Variants in B3GALT1 observed in about 807,000 individuals in gnomAD.
B3GALT1 encodes beta-1,3-galactosyltransferase 1, also known as UDP-Gal:betaGlcNAc beta 1,3-galactosyltransferase, polypeptide 1.
A neutral mutation model predicts 23.2 loss-of-function variants in B3GALT1; 10 were observed. The ratio of observed to expected loss-of-function variants is 0.43; its 90% CI spans 0.27 to 0.73. The LOEUF (loss-of-function observed/expected upper bound fraction) is 0.73, where lower values mean the gene tolerates loss of function less well. Ranked by LOEUF, B3GALT1 falls within the 30% of genes least tolerant of loss-of-function variation. The probability of loss-of-function intolerance (pLI) is 0.21; values close to 1 mark genes in which losing one functional copy is unlikely to be tolerated. For missense variants in B3GALT1, 299 were observed against 405.4 expected, an observed-to-expected ratio of 0.74 and a Z score of 2.25; for synonymous variants, 156 against 141.5, an observed-to-expected ratio of 1.10 and a Z score of -0.73.
At chr2:167,799,777 CT>C (rs1000698604) in intron 3 of B3GALT1, among the ~76,000 whole-genome samples, 21 of 152,264 alleles carry the variant, frequency 1.4e-4, no homozygotes, top group Admixed American at 1.4e-3. Flanking sequence ...TCCTGTCAAG[CT>C]GTGAAGAGGT....
chr2:167,533,074 T>G (rs1351264421), intron 2 of B3GALT1, among the ~76,000 whole-genome samples: 2 of 151,242 alleles, frequency 1.3e-5, no homozygotes, highest in African/African-American at 2.4e-5. Context: ...TTGGTCAGGC[T>G]GGTCTCGAAC....
At chr2:167,703,036 T>C (rs1686904833) in intron 3 of B3GALT1, among the ~76,000 whole-genome samples, 2 of 152,214 alleles carry the variant, frequency 1.3e-5, no homozygotes, top group African/African-American at 4.8e-5. Context: ...GAGTGAATGC[T>C]CACCTGGTGG....
chr2:167,443,802 G>A (rs1242159046), intron 1 of B3GALT1, among the ~76,000 whole-genome samples: 1 of 152,188 alleles, frequency 6.6e-6, no homozygotes, highest in Non-Finnish European at 1.5e-5. Flanking sequence ...ATACAATCAT[G>A]TCATCTGTAA....
chr2:167,366,303 A>T (rs1220018128), intron 1 of B3GALT1, among the ~76,000 whole-genome samples: 6 of 152,216 alleles, frequency 3.9e-5, no homozygotes, highest in Admixed American at 3.9e-4. Flanking sequence ...ATAGGTAGTA[A>T]TAGATAAGAA....
At chr2:167,789,910 C>T (rs145878934) in intron 3 of B3GALT1, among the ~76,000 whole-genome samples, 38 of 152,212 alleles carry the variant, frequency 2.5e-4, no homozygotes, top group East Asian at 5.8e-4. Context: ...GGTGACCGTG[C>T]GGTAGGCCCA....
intron 4 of B3GALT1, among the ~76,000 whole-genome samples, chr2:167,862,016 T>C (rs758543303): frequency 6.6e-6 from 1 of 152,104 alleles, no homozygotes; most frequent in Non-Finnish European, 1.5e-5. Context: ...ACCTTGCCCA[T>C]GGTGAAGGGA....
chr2:167,805,911 C>G (rs1392861920), intron 3 of B3GALT1, among the ~76,000 whole-genome samples: 4 of 152,088 alleles, frequency 2.6e-5, no homozygotes, highest in Non-Finnish European at 5.9e-5. Flanking sequence ...CTATAAATTA[C>G]CTTGGGCAGT....
intron 2 of B3GALT1, among the ~76,000 whole-genome samples, chr2:167,510,749 T>C (rs1699992606): frequency 6.6e-6 from 1 of 152,118 alleles, no homozygotes; most frequent in Non-Finnish European, 1.5e-5. Context: ...AGTAGAAGTA[T>C]AGGAGCTCAA....
chr2:167,396,082 A>C (rs950422776), intron 1 of B3GALT1, among the ~76,000 whole-genome samples: 3 of 152,156 alleles, frequency 2.0e-5, no homozygotes, highest in Non-Finnish European at 4.4e-5. Flanking sequence ...TTCAATTCTT[A>C]GTTTCCCTGC....
At chr2:167,621,185 C>G (rs1215162226) in intron 2 of B3GALT1, among the ~76,000 whole-genome samples, 1 of 146,526 alleles carries the variant, frequency 6.8e-6, no homozygotes. Context: ...ACCTCTGGGG[C>G]TCAAGCAATC....
intron 1 of B3GALT1, among the ~76,000 whole-genome samples, chr2:167,362,641 T>TTAA (rs1697515969): frequency 6.6e-6 from 1 of 152,086 alleles, no homozygotes; most frequent in Non-Finnish European, 1.5e-5. Flanking sequence ...TGGGCCTTAT[T>TTAA]TAACTGTCTT....
At chr2:167,783,917 G>T (rs1033838629) in intron 3 of B3GALT1, among the ~76,000 whole-genome samples, 4 of 152,190 alleles carry the variant, frequency 2.6e-5, no homozygotes, top group African/African-American at 7.2e-5. Context: ...GCTGATGACT[G>T]TGTAAAACAG....
intron 3 of B3GALT1, among the ~76,000 whole-genome samples, chr2:167,751,018 C>T (rs913203653): frequency 2.6e-5 from 4 of 152,180 alleles, no homozygotes; most frequent in African/African-American, 9.6e-5. Flanking sequence ...GTCACAGCTA[C>T]TCAACTCTGC....
At chr2:167,617,446 C>T (rs1685180119) in intron 2 of B3GALT1, among the ~76,000 whole-genome samples, 1 of 151,900 alleles carries the variant, frequency 6.6e-6, no homozygotes, top group Admixed American at 6.6e-5. Flanking sequence ...GAGAATTCAC[C>T]CTCATTGTGA....
chr2:167,872,862 A>T lies in B3GALT1; in HGVS notation c.*2842A>T, dbSNP rs1292442500. 1 of 152,144 alleles carries T rather than the reference A, an allele frequency of 6.6e-6. No homozygotes were observed. The highest frequency in any genetic ancestry group is 1.5e-5 in the Non-Finnish European group (1 of 68,024). 9.4% of individuals were successfully genotyped at this position (152,144 alleles called of 1,614,324 possible). ...GGCATTTTTTCTTCTCCCCAACTGT[A>T]TGTATAGCTAGAATCTGCTTGCTGT... On this transcript the variant is annotated 3_prime_UTR_variant, in exon 5 of 5. Transcript: ENST00000392690.
At chr2:167,438,269 A>T (rs1249487958) in intron 1 of B3GALT1, among the ~76,000 whole-genome samples, 1 of 152,206 alleles carries the variant, frequency 6.6e-6, no homozygotes, top group Non-Finnish European at 1.5e-5. Flanking sequence ...GAGAGGTTTC[A>T]AAGAGACCAT....
chr2:167,738,316 G>A (rs1366292113), intron 3 of B3GALT1, among the ~76,000 whole-genome samples: 3 of 152,154 alleles, frequency 2.0e-5, no homozygotes, highest in Non-Finnish European at 4.4e-5. Flanking sequence ...TTGGTTAAAT[G>A]TCATTGTGCA....
chr2:167,682,715 G>A (rs1160433797), intron 3 of B3GALT1, among the ~76,000 whole-genome samples: 4 of 152,110 alleles, frequency 2.6e-5, no homozygotes, highest in African/African-American at 4.8e-5. Context: ...CTCCACTTCC[G>A]CCCTCCCCAC....
intron 2 of B3GALT1, among the ~76,000 whole-genome samples, chr2:167,517,270 C>T (rs140329172): frequency 1.3e-5 from 2 of 151,650 alleles, no homozygotes; most frequent in South Asian, 4.1e-4. Flanking sequence ...CAGAACCTGC[C>T]TTTCTCTTTA....
Sources: allele counts gnomAD v4.1 joint callset (sites outside exome capture counted in the v4.1 genomes callset), GRCh38; gene constraint gnomAD v4.1.1; transcripts MANE v1.5; gene names NCBI Gene and HGNC (gene_info 2026-07-23, HGNC 2026-07-21).